The following ROBO3 variants were observed in gnomAD, a reference collection of about 807,000 sequenced individuals.
ROBO3 encodes roundabout guidance receptor 3.
A neutral mutation model predicts 160.5 loss-of-function variants in ROBO3; 97 were observed. That is an observed-to-expected ratio of 0.60 (90% CI 0.51 to 0.72). ROBO3 has a LOEUF of 0.72. Among genes scored for constraint, ROBO3 ranks in the 30% least tolerant of loss-of-function variants. ROBO3 has a pLI of 0.00. For missense variants in ROBO3, 1,858 were observed against 1,846.5 expected (o/e 1.01, Z -0.11); for synonymous variants, 780 against 746.2 (o/e 1.05, Z -0.74).
chr11:124,868,912 C>T lies in ROBO3; in HGVS notation c.271C>T (p.Pro91Ser), dbSNP rs1946240450. Residue 91 changes from proline (P) to serine (S), a missense_variant, in exon 2 of 28, where the codon CCC (proline) becomes TCC (serine). Pro to Ser is a moderately conservative substitution (Grantham distance 74). Coordinates refer to ENST00000397801, the MANE Select transcript of ROBO3 (RefSeq NM_022370.4). ...GTTGCCCTGCCGCGCTGAAGGCCGA[C>T]CCCGACCCAACATTGAGTGGTACAA... ...ATLPCRAEGR[P>S]RPNIEWYKNG... The T allele has an allele frequency of 1.2e-6, 2 of 1,607,850 alleles. No individual in the cohort carries two copies. Among genetic ancestry groups the T allele is most frequent in the Non-Finnish European group, 1.7e-6 (2 of 1,177,816 alleles).
At position 124,869,495 on chromosome 11, in the gene ROBO3, C is replaced by T. The variant is rs2135325498; in HGVS notation, c.533C>T (p.Ala178Val). 1 of 1,418,342 alleles carries T rather than the reference C, an allele frequency of 7.1e-7. No individual in the cohort carries two copies. The highest frequency in any genetic ancestry group is 9.5e-7 in the Non-Finnish European group (1 of 1,057,846). 87.9% of individuals were successfully genotyped at this position (1,418,342 alleles called of 1,614,324 possible). ...FRQSPGNVVV[A>V]VGEPAVLECV... ...CAGTCTCCTGGAAACGTGGTGGTGG[C>T]AGTGGGGGAGCCAGCAGTACTGGAA... Residue 178 changes from alanine to valine, a missense_variant, in exon 3 of 28, where the codon GCA becomes GTA. Physicochemically the swap from Ala to Val is moderately conservative, Grantham distance 64. Transcript: ENST00000397801. This position sits in a 1 kb window ranked among gnomAD's most constrained non-coding sequence, Gnocchi z 4.2.
Position 124,878,361 on chromosome 11 carries a change from C to G in ROBO3, c.3245C>G (p.Pro1082Arg). The G allele has an allele frequency of 1.2e-6, 2 of 1,613,896 alleles. No homozygotes were observed. The highest frequency in any genetic ancestry group is 8.5e-7 in the Non-Finnish European group (1 of 1,179,860). Residue 1082 changes from proline to arginine, a missense_variant, in exon 22 of 28, where the codon CCA becomes CGA. Physicochemically the swap from Pro to Arg is moderately radical, Grantham distance 103. Transcript: ENST00000397801. This position sits in a 1 kb window ranked among gnomAD's most constrained non-coding sequence, Gnocchi z 4.3. Reference sequence around the variant, plus strand: ...GTGCAGATGCCCTCTCTGAACTGGCCAGAAGCCCTGCCCCCACCTCCTCCT... The same window carrying G: ...GTGCAGATGCCCTCTCTGAACTGGCGAGAAGCCCTGCCCCCACCTCCTCCT... The part of the protein sequence containing the change: ...KPVQMPSLNW[P>R]EALPPPPPSC...
At position 124,879,961 on chromosome 11, in the gene ROBO3, A is replaced by C; in HGVS notation, c.3958+13A>C. 1 of 1,550,400 alleles carries C rather than the reference A, an allele frequency of 6.4e-7. No individual in the cohort carries two copies. ...CTCCACCCAGATGGTAAGCAGGGCCAGGGCAGGCAGGAGGGCTGCTGCCAC... is the reference window on the plus strand; with the variant it reads ...CTCCACCCAGATGGTAAGCAGGGCCCGGGCAGGCAGGAGGGCTGCTGCCAC... On this transcript the variant is annotated intron_variant, in intron 26 of 27. Coordinates refer to ENST00000397801, the MANE Select transcript of ROBO3 (RefSeq NM_022370.4).
intron 6 of ROBO3, 58 bp from the exon 7 acceptor site, chr11:124,870,956 A>G (rs1344715753): frequency 4.4e-6 from 7 of 1,582,858 alleles, no homozygotes; most frequent in Non-Finnish European, 4.3e-6. Flanking sequence ...CTGTTCCTGC[A>G]GTCTCCTTTC....
intron 4 of ROBO3, 27 bp downstream of exon 4, chr11:124,870,095 G>T: frequency 1.2e-6 from 2 of 1,613,916 alleles, no homozygotes; most frequent in Non-Finnish European, 1.7e-6. Flanking sequence ...TTGACATTAT[G>T]GGAACAGGTA....
In ROBO3 at chr11:124,879,235, C is replaced by T; in HGVS notation, c.3579C>T (p.Pro1193=). The T allele has an allele frequency of 6.4e-7, 1 of 1,558,386 alleles. No individual in the cohort carries two copies. Among genetic ancestry groups the T allele is most frequent in the Non-Finnish European group, 8.7e-7 (1 of 1,150,872 alleles). ...GPSSPLSVSQ[P]MLGIREARPA... is the part of the protein sequence containing the mutation. ...GTTCCCCTCTCAGTGTATCCCAGCCCATGCTGGGCATCCGTGAAGCGAGGC... is the reference window on the plus strand; with the variant it reads ...GTTCCCCTCTCAGTGTATCCCAGCCTATGCTGGGCATCCGTGAAGCGAGGC... Residue 1193 remains proline, a synonymous_variant, in exon 24 of 28, where the codon CCC becomes CCT. Coordinates refer to ENST00000397801, the MANE Select transcript of ROBO3 (RefSeq NM_022370.4).
At position 124,873,106 on chromosome 11, in the gene ROBO3, G is replaced by C. The variant is rs1490186919; in HGVS notation, c.1536+17G>C. The C allele has an allele frequency of 6.2e-7, 1 of 1,608,372 alleles. No individual in the cohort carries two copies. The highest frequency in any genetic ancestry group is 8.5e-7 in the Non-Finnish European group (1 of 1,176,298). On this transcript the variant is annotated intron_variant, in intron 9 of 27. Coordinates refer to ENST00000397801, the MANE Select transcript of ROBO3 (RefSeq NM_022370.4). The surrounding 1 kb of genome is among the most constrained non-coding windows in gnomAD (Gnocchi z 4.5). ...AATGTGCAGGTGAGTGTCACCCCTG[G>C]GGCCCTAGTAGCTGAGAATGGCTAT... is the stretch of plus-strand genomic sequence containing the variant.
intron 12 of ROBO3, among the ~76,000 whole-genome samples, 163 bp downstream of exon 12, chr11:124,874,399 C>T (rs1213649047): frequency 1.3e-5 from 2 of 152,106 alleles, no homozygotes; most frequent in African/African-American, 4.8e-5. Context: ...TTGCCTCTCA[C>T]AGAAGAGACA....
chr11:124,867,045 C>T (rs1293569082), intron 1 of ROBO3, among the ~76,000 whole-genome samples: 2 of 152,168 alleles, frequency 1.3e-5, no homozygotes, highest in Non-Finnish European at 2.9e-5. Flanking sequence ...TTGACAGACA[C>T]ATTTTGCCGC....
At position 124,880,551 on chromosome 11, in the gene ROBO3, CCGGAGT is replaced by C. The variant is rs56085444; in HGVS notation, c.4100_4105del (p.Arg1367_Ser1368del). On this transcript the variant is annotated inframe_deletion, in exon 27 of 28. Coordinates refer to ENST00000397801, the MANE Select transcript of ROBO3 (RefSeq NM_022370.4). ...GGGGCTCCCGGGGCCCTGGCCGGAG[CCGGAGT>C]CGGAGTCAGAGCCGGAGCCAGAGCC... is the stretch of plus-strand genomic sequence containing the variant. The C allele has an allele frequency of 0.29, 446,451 of 1,555,972 alleles. 69,291 individuals carry two copies. The highest frequency in any genetic ancestry group is 0.59 in the African/African-American group (42,815 of 72,432).
rs759569473 is a variant in ROBO3 at position 124,876,080 on chromosome 11, A to C, written c.2548A>C (p.Ser850Arg). 4 of 1,609,228 alleles carry C rather than the reference A, an allele frequency of 2.5e-6. No individual in the cohort carries two copies. The South Asian group carries it at 3.3e-5, about 13-fold the overall frequency. ...LYRTLVAAATSAGVGVPSAPV... is the reference protein window; with the variant it reads ...LYRTLVAAATRAGVGVPSAPV... Reference sequence around the variant, plus strand: ...TCGAACCCTGGTCGCGGCGGCCACCAGCGCAGGCGTGGGCGTGCCCAGTGC... The same window carrying C: ...TCGAACCCTGGTCGCGGCGGCCACCCGCGCAGGCGTGGGCGTGCCCAGTGC... Residue 850 changes from serine (S) to arginine (R), a missense_variant, in exon 16 of 28, where the codon AGC becomes CGC. Ser to Arg is a moderately radical substitution (Grantham distance 110). Transcript: ENST00000397801. This position sits in a 1 kb window ranked among gnomAD's most constrained non-coding sequence, Gnocchi z 5.3.
chr11:124,876,303 G>A lies in ROBO3; in HGVS notation c.2622G>A (p.Leu874=), dbSNP rs1226356029. The change falls in exon 17 of 28, where the codon CTG becomes CTA. Residue 874 remains leucine, a synonymous_variant. Transcript: ENST00000397801. This position sits in a 1 kb window ranked among gnomAD's most constrained non-coding sequence, Gnocchi z 5.3. ...CCCCGCCGGACCTGGAGCCCGGGCTGGAGGTGGGCGCGGGGCTGGCGGTGC... is the reference window on the plus strand; with the variant it reads ...CCCCGCCGGACCTGGAGCCCGGGCTAGAGGTGGGCGCGGGGCTGGCGGTGC... ...LPSPPDLEPG[L]EVGAGLAVRL... is the part of the protein sequence containing the mutation. 7 of 1,457,668 alleles carry A rather than the reference G, an allele frequency of 4.8e-6. No individual in the cohort carries two copies. The highest frequency in any genetic ancestry group is 4.4e-5 in the African/African-American group (3 of 68,476). 90.3% of individuals were successfully genotyped at this position (1,457,668 alleles called of 1,614,324 possible).
chr11:124,877,277 G>C lies in ROBO3; in HGVS notation c.2814G>C (p.Pro938=). The C allele has an allele frequency of 6.2e-7, 1 of 1,613,690 alleles. No homozygotes were observed. Residue 938 remains proline (P), a synonymous_variant, in exon 19 of 28, where the codon CCG becomes CCC. Coordinates refer to ENST00000397801, the MANE Select transcript of ROBO3 (RefSeq NM_022370.4). ...SFAYTPAVSF[P]HSEGLSGASS... ...CCTCATTTTCCCCAGTGTCCTTCCC[G>C]CACTCAGAGGGCCTCTCTGGAGCCA... is the stretch of plus-strand genomic sequence containing the variant.
chr11:124,872,758 C>G lies in ROBO3; in HGVS notation c.1331-126C>G. 1 of 958,372 alleles carries G rather than the reference C, an allele frequency of 1.0e-6. No individual in the cohort carries two copies. Among genetic ancestry groups the G allele is most frequent in the Non-Finnish European group, 1.5e-6 (1 of 661,608 alleles). The allele number at this position is 958,372 out of a possible 1,614,324, so 59.4% of individuals were successfully genotyped here. A position where few individuals can be genotyped will look rare whatever the true frequency, so the allele number is the denominator to read the frequency against. On this transcript the variant is annotated intron_variant, in intron 8 of 27. Coordinates refer to ENST00000397801, the MANE Select transcript of ROBO3 (RefSeq NM_022370.4). The surrounding 1 kb of genome is among the most constrained non-coding windows in gnomAD (Gnocchi z 4.3). ...GAGACTTCAGATGATTATCAAAGCC[C>G]CCTCTGATCACCGGAAGTTTCAGGG...
Position 124,876,490 on chromosome 11 carries a change from C to A in ROBO3, c.2779+30C>A. ...GCTCCCGGCCTCGGAGCGGACGGAT[C>A]CGGGAGGGAGCCAGGCGGCCCATGG... is the stretch of plus-strand genomic sequence containing the variant. On this transcript the variant is annotated intron_variant, in intron 17 of 27. Coordinates refer to ENST00000397801, the MANE Select transcript of ROBO3 (RefSeq NM_022370.4). This position sits in a 1 kb window ranked among gnomAD's most constrained non-coding sequence, Gnocchi z 5.3. 1 of 1,356,758 alleles carries A rather than the reference C, an allele frequency of 7.4e-7. No homozygotes were observed. Among genetic ancestry groups the A allele is most frequent in the South Asian group, 1.9e-5 (1 of 52,616 alleles). 84.0% of individuals were successfully genotyped at this position (1,356,758 alleles called of 1,614,324 possible).
In ROBO3 at chr11:124,873,611, C is replaced by G. The variant is rs1436784128; in HGVS notation, c.1619-86C>G. The stretch of plus-strand genomic sequence containing the variant: ...CTCTGACCATCACCGCAGCTCAGAG[C>G]TCCATAGCTCCCCTGGTAAGGAGAC... On this transcript the variant is annotated intron_variant, in intron 10 of 27. Transcript: ENST00000397801. The surrounding 1 kb of genome is among the most constrained non-coding windows in gnomAD (Gnocchi z 4.5). 1 of 1,321,216 alleles carries G rather than the reference C, an allele frequency of 7.6e-7. No individual in the cohort carries two copies. Among genetic ancestry groups the G allele is most frequent in the Non-Finnish European group, 1.0e-6 (1 of 961,646 alleles). The allele number at this position is 1,321,216 out of a possible 1,614,324, so 81.8% of individuals were successfully genotyped here.
chr11:124,869,917 A>G lies in ROBO3; in HGVS notation c.646-31A>G, dbSNP rs1361360269. The G allele has an allele frequency of 7.0e-6, 11 of 1,568,490 alleles. No homozygotes were observed. In the Admixed American group the frequency reaches 7.6e-5, roughly 11 times the overall value. On this transcript the variant is annotated intron_variant, in intron 3 of 27. Coordinates refer to ENST00000397801, the MANE Select transcript of ROBO3 (RefSeq NM_022370.4). The surrounding 1 kb of genome is among the most constrained non-coding windows in gnomAD (Gnocchi z 4.2). Reference sequence around the variant, plus strand: ...ATATATATACGCTGTGATAGCTGAAATGGACCAAAGTTACCATTATTGCTC... The same window carrying G: ...ATATATATACGCTGTGATAGCTGAAGTGGACCAAAGTTACCATTATTGCTC...
intron 1 of ROBO3, chr11:124,868,474 A>G: frequency 1.7e-6 from 1 of 592,850 alleles, no homozygotes; most frequent in Non-Finnish European, 3.0e-6. Flanking sequence ...CTACTCGCCA[A>G]GCGTGGTTCA....
In ROBO3 at chr11:124,873,927, T is replaced by C; in HGVS notation, c.1784+65T>C. 1 of 1,600,158 alleles carries C rather than the reference T, an allele frequency of 6.2e-7. No homozygotes were observed. The highest frequency in any genetic ancestry group is 1.1e-5 in the South Asian group (1 of 90,328). On this transcript the variant is annotated intron_variant, in intron 11 of 27. Transcript: ENST00000397801. The surrounding 1 kb of genome is among the most constrained non-coding windows in gnomAD (Gnocchi z 4.5). ...AGGAGGGGATCCTATGCCCTTAGGG[T>C]CTTTGCTATTGTGAGGTGGGATTCT...
Sources: gnomAD v4.1 joint callset for allele counts (sites outside exome capture counted in the v4.1 genomes callset) on GRCh38, gnomAD v4.1.1 for gene constraint, Gnocchi (gnomAD v3.1) non-coding constraint, MANE v1.5 for transcripts, NCBI Gene and HGNC (gene_info 2026-07-23, HGNC 2026-07-21) for gene names.